Variants in CPM observed in about 807,000 individuals in gnomAD.
The protein encoded by CPM is carboxypeptidase M, also known as renal carboxypeptidase.
CPM carries 35 observed loss-of-function variants against 46.4 expected under a neutral mutation model. The observed-to-expected ratio is 0.75, with a 90% CI of 0.58 to 1.00. CPM has a LOEUF of 1.00. Ranked by LOEUF, CPM falls within the 50% of genes least tolerant of loss-of-function variation. The pLI is 0.00. For synonymous variants in CPM, 195 were observed against 195.3 expected, an observed-to-expected ratio of 1.00 and a Z score of 0.01; for missense variants, 422 against 530.4, an observed-to-expected ratio of 0.80 and a Z score of 2.01.
At chr12:68,860,776 C>T (rs1885174029) in intron 7 of CPM, among the ~76,000 whole-genome samples, 1 of 152,142 alleles carries the variant, frequency 6.6e-6, no homozygotes, top group African/African-American at 2.4e-5. Context: ...ATTTTATCAC[C>T]TATGAAATGG....
At chr12:68,923,799 C>G (rs1229160684) in intron 2 of CPM, among the ~76,000 whole-genome samples, 1 of 152,112 alleles carries the variant, frequency 6.6e-6, no homozygotes, top group Non-Finnish European at 1.5e-5. Context: ...GCTCTTTGTT[C>G]ACTGTTGTCA....
intron 2 of CPM, among the ~76,000 whole-genome samples, chr12:68,900,978 A>T (rs941613683): frequency 6.6e-6 from 1 of 152,200 alleles, no homozygotes; most frequent in Non-Finnish European, 1.5e-5. Flanking sequence ...ACTTCAGTGT[A>T]GGTTTATTAG....
intron 1 of CPM, chr12:68,957,767 G>A (rs1204922237): frequency 6.6e-6 from 1 of 152,176 alleles, no homozygotes; most frequent in South Asian, 2.1e-4. Flanking sequence ...AGGTATATAT[G>A]TGCCATGTTG....
rs1447449990 is a variant in CPM, at chr12:68,962,783, C to T, written c.-4+386G>A. Among the ~76,000 whole-genome samples the T allele has an allele frequency of 3.9e-5, 6 of 152,188 alleles. No homozygotes were observed. The South Asian group carries it at 6.2e-4, about 16-fold the overall frequency. ...GTTCTCTCTGAAGGCTTAACCTGCA[C>T]GATAAAACCTTCGTCTCCACAATCC... is the stretch of plus-strand genomic sequence containing the variant. On this transcript the variant is annotated intron_variant, in intron 1 of 8. Transcript: ENST00000546373.
At position 68,856,590 on chromosome 12, in the gene CPM, T is replaced by G; in HGVS notation, c.1179A>C (p.Leu393=). The change falls in exon 9 of 9, where the codon CTA becomes CTC. Residue 393 remains leucine, a synonymous_variant. Coordinates refer to ENST00000551568, the MANE Select transcript of CPM (RefSeq NM_198320.5). ...AATCCAATTGCCCTTGGAATGGAAG[T>G]AGAATATCCTTTTTAAGAGCACTGA... ...QNFSALKKDI[L]LPFQGQLDSI... is the part of the protein sequence containing the mutation. 1 of 1,614,226 alleles carries G rather than the reference T, an allele frequency of 6.2e-7. No homozygotes were observed. The highest frequency in any genetic ancestry group is 2.2e-5 in the East Asian group (1 of 44,888).
chr12:68,952,041 C>A (rs1483890595), intron 1 of CPM, among the ~76,000 whole-genome samples: 1 of 152,070 alleles, frequency 6.6e-6, no homozygotes, highest in Non-Finnish European at 1.5e-5. Context: ...TTGTGCTATG[C>A]CATGTTGTGC....
intron 3 of CPM, among the ~76,000 whole-genome samples, chr12:68,884,098 G>A (rs1886325009): frequency 1.0e-5 from 1 of 97,516 alleles, no homozygotes; most frequent in Non-Finnish European, 1.9e-5. Context: ...AGACAAGAGC[G>A]AAATTCCATC....
intron 3 of CPM, among the ~76,000 whole-genome samples, chr12:68,874,571 G>A (rs865820708): frequency 1.3e-5 from 2 of 152,034 alleles, no homozygotes; most frequent in Non-Finnish European, 2.9e-5. Flanking sequence ...AGCCGAGATC[G>A]CGCCACCAGC....
intron 3 of CPM, among the ~76,000 whole-genome samples, chr12:68,874,629 T>C (rs909476227): frequency 2.6e-5 from 4 of 151,560 alleles, no homozygotes; most frequent in South Asian, 4.2e-4. Flanking sequence ...ACCAAAAAAA[T>C]GTGAAAAAGA....
chr12:68,954,549 T>C (rs2136336964), intron 1 of CPM, among the ~76,000 whole-genome samples: 1 of 152,290 alleles, frequency 6.6e-6, no homozygotes, highest in African/African-American at 2.4e-5. Flanking sequence ...TTGCCTTCTC[T>C]GTGTACCCCT....
rs1261365947 is a variant in CPM at position 68,853,347 on chromosome 12, A to ATAAT, written c.*3086_*3089dup. On this transcript the variant is annotated 3_prime_UTR_variant, in exon 9 of 9. Transcript: ENST00000551568. The stretch of plus-strand genomic sequence containing the variant: ...TACTATATTATGTACTTTCAAGTAT[A>ATAAT]TAATTACTGCTTCTTTAAATACAAA... The ATAAT allele has an allele frequency of 1.3e-5, 2 of 152,372 alleles. No individual in the cohort carries two copies. The highest frequency in any genetic ancestry group is 4.1e-4 in the South Asian group (2 of 4,830). The allele number at this position is 152,372 out of a possible 1,614,324, so 9.4% of individuals were successfully genotyped here. A position where few individuals can be genotyped will look rare whatever the true frequency, so the allele number is the denominator to read the frequency against.
intron 6 of CPM, among the ~76,000 whole-genome samples, chr12:68,868,596 C>T (rs1373181623): frequency 1.3e-5 from 2 of 152,112 alleles, no homozygotes; most frequent in Non-Finnish European, 2.9e-5. Flanking sequence ...ATATTATTCC[C>T]TCTAATAAGA....
At chr12:68,851,024 G>A (rs1884647956), downstream of CPM, among the ~76,000 whole-genome samples, 1 of 152,040 alleles carries the variant, frequency 6.6e-6, no homozygotes, top group African/African-American at 2.4e-5. Flanking sequence ...TCTGGACTTT[G>A]AAGAGTTGTT....
intron 2 of CPM, among the ~76,000 whole-genome samples, chr12:68,902,903 A>T (rs1887171508): frequency 6.6e-6 from 1 of 152,218 alleles, no homozygotes; most frequent in Admixed American, 6.5e-5. Flanking sequence ...TCCCAAATAA[A>T]GTAAGAGCTT....
rs574180248 is a variant in CPM at position 68,884,548 on chromosome 12, C to G, written c.258+1244G>C. ...TCAGCACTGATTAGAGCATGCCACC[C>G]ATACTATTGCAAATCCAGAAGTGTT... is the stretch of plus-strand genomic sequence containing the variant. On this transcript the variant is annotated intron_variant, in intron 3 of 8. Transcript: ENST00000551568. Among the ~76,000 whole-genome samples the G allele has an allele frequency of 5.3e-5, 8 of 152,258 alleles. No homozygotes were observed. In the East Asian group the frequency reaches 7.7e-4, roughly 15 times the overall value.
At chr12:68,867,272 C>T (rs975801404) in intron 6 of CPM, among the ~76,000 whole-genome samples, 5 of 152,170 alleles carry the variant, frequency 3.3e-5, no homozygotes, top group African/African-American at 1.2e-4. Context: ...GACTGAAGTT[C>T]AACTGTGCAT....
upstream of CPM, among the ~76,000 whole-genome samples, chr12:68,935,114 T>G (rs1888650306): frequency 6.6e-6 from 1 of 152,204 alleles, no homozygotes; most frequent in Admixed American, 6.5e-5. Flanking sequence ...TTCACCATGT[T>G]GGCCAGGCTG....
chr12:68,909,683 C>T (rs537429219), intron 2 of CPM, among the ~76,000 whole-genome samples: 1 of 152,104 alleles, frequency 6.6e-6, no homozygotes, highest in Admixed American at 6.5e-5. Flanking sequence ...ATGTCCTTTG[C>T]AGGGACATGG....
chr12:68,890,560 C>T (rs1248702277), intron 2 of CPM, among the ~76,000 whole-genome samples: 3 of 152,190 alleles, frequency 2.0e-5, no homozygotes, highest in Non-Finnish European at 4.4e-5. Context: ...GATCTGTGCT[C>T]TTCTGAGGAT....
Sources: gnomAD v4.1 joint callset for allele counts (sites outside exome capture counted in the v4.1 genomes callset) on GRCh38, gnomAD v4.1.1 for gene constraint, MANE v1.5 for transcripts, NCBI Gene and HGNC (gene_info 2026-07-23, HGNC 2026-07-21) for gene names.